Variants in SLC24A2 observed in about 807,000 individuals in gnomAD.
SLC24A2 encodes the protein sodium/potassium/calcium exchanger 2.
In SLC24A2, 36 loss-of-function variants were observed where a neutral mutation model predicts 62.0. The ratio of observed to expected loss-of-function variants is 0.58; its 90% CI spans 0.44 to 0.77. The LOEUF is 0.77. Among genes scored for constraint, SLC24A2 ranks in the 30% least tolerant of loss-of-function variants. The pLI, the probability that SLC24A2 is intolerant of heterozygous loss-of-function variation, is 0.00. For synonymous variants in SLC24A2, 358 were observed against 294.0 expected, an observed-to-expected ratio of 1.22 and a Z score of -2.23; for missense variants, 846 against 817.9, an observed-to-expected ratio of 1.03 and a Z score of -0.42.
the SLC24A2 span, among the ~76,000 whole-genome samples, chr9:19,892,652 G>A: frequency 1.5e-3 from 230 of 151,990 alleles, 1 homozygote; most frequent in East Asian, 0.018. Flanking sequence ...TGTCCAGTTC[G>A]TTTCTAATGT....
At chr9:19,615,547 A>G (rs1360392235) in intron 4 of SLC24A2, among the ~76,000 whole-genome samples, 2 of 152,340 alleles carry the variant, frequency 1.3e-5, no homozygotes, top group East Asian at 3.9e-4. Flanking sequence ...ATACCAGAGC[A>G]ATCTGTTTTC....
the SLC24A2 span, among the ~76,000 whole-genome samples, chr9:20,133,471 A>G: frequency 6.6e-6 from 1 of 152,188 alleles, no homozygotes; most frequent in African/African-American, 2.4e-5. Flanking sequence ...TTATAAAACT[A>G]TATTCTCACT....
chr9:20,149,403 A>C, the SLC24A2 span, among the ~76,000 whole-genome samples: 2 of 151,984 alleles, frequency 1.3e-5, no homozygotes, highest in African/African-American at 4.8e-5. Context: ...TTCCATAGGG[A>C]TGATTTTTTT....
At chr9:19,894,387 GA>G in the SLC24A2 span, among the ~76,000 whole-genome samples, 1 of 152,118 alleles carries the variant, frequency 6.6e-6, no homozygotes, top group Non-Finnish European at 1.5e-5. Context: ...CCAGCATTTT[GA>G]ATACGTTTAT....
the SLC24A2 span, among the ~76,000 whole-genome samples, chr9:19,816,557 T>A: frequency 6.6e-6 from 1 of 152,068 alleles, no homozygotes; most frequent in Non-Finnish European, 1.5e-5. Flanking sequence ...CACCCAAGAC[T>A]GGGTAATTTA....
At chr9:20,140,507 T>C in the SLC24A2 span, among the ~76,000 whole-genome samples, 1 of 152,140 alleles carries the variant, frequency 6.6e-6, no homozygotes, top group East Asian at 1.9e-4. Flanking sequence ...GCATAGACCA[T>C]TGTATTTACA....
At chr9:19,711,958 T>G (rs1280140425) in intron 2 of SLC24A2, among the ~76,000 whole-genome samples, 1 of 152,194 alleles carries the variant, frequency 6.6e-6, no homozygotes, top group Non-Finnish European at 1.5e-5. Context: ...CAAGGGCAGT[T>G]GGCTAGCCAA....
At chr9:19,907,216 T>A in the SLC24A2 span, among the ~76,000 whole-genome samples, 5 of 152,250 alleles carry the variant, frequency 3.3e-5, no homozygotes, top group African/African-American at 1.2e-4. Context: ...ACAGAACCAA[T>A]GACAAAAACC....
chr9:19,833,026 C>G, the SLC24A2 span, among the ~76,000 whole-genome samples: 2 of 152,100 alleles, frequency 1.3e-5, no homozygotes, highest in Non-Finnish European at 2.9e-5. Flanking sequence ...AAATGCAAAT[C>G]AAAACCACAA....
the SLC24A2 span, among the ~76,000 whole-genome samples, chr9:19,831,615 C>A: frequency 6.6e-6 from 1 of 152,046 alleles, no homozygotes; most frequent in African/African-American, 2.4e-5. Flanking sequence ...TTTATTTCCC[C>A]AACAGAATTT....
intron 4 of SLC24A2, among the ~76,000 whole-genome samples, chr9:19,618,337 G>C (rs1056903870): frequency 1.3e-5 from 2 of 152,110 alleles, no homozygotes; most frequent in Admixed American, 1.3e-4. Context: ...TGTAGATAGA[G>C]TAATGATATT....
the SLC24A2 span, among the ~76,000 whole-genome samples, chr9:20,194,443 C>T: frequency 6.6e-6 from 1 of 152,066 alleles, no homozygotes; most frequent in African/African-American, 2.4e-5. Flanking sequence ...GGCCACTCCT[C>T]ACCTTTCTCA....
chr9:19,969,831 A>G, the SLC24A2 span, among the ~76,000 whole-genome samples: 10 of 152,298 alleles, frequency 6.6e-5, no homozygotes, highest in East Asian at 5.8e-4. Context: ...ACAAAATCCA[A>G]TTGTTGAGAA....
the SLC24A2 span, among the ~76,000 whole-genome samples, chr9:20,098,303 A>T: frequency 6.6e-6 from 1 of 152,234 alleles, no homozygotes; most frequent in African/African-American, 2.4e-5. Context: ...CTCAAACAGG[A>T]ATCCATAATA....
chr9:20,216,030 C>G, the SLC24A2 span, among the ~76,000 whole-genome samples: 2 of 152,296 alleles, frequency 1.3e-5, no homozygotes, highest in South Asian at 4.1e-4. Context: ...TTACTTACAG[C>G]AGGGGAAACC....
At chr9:20,119,917 G>A in the SLC24A2 span, among the ~76,000 whole-genome samples, 1 of 152,158 alleles carries the variant, frequency 6.6e-6, no homozygotes, top group South Asian at 2.1e-4. Flanking sequence ...TAGAGGATCG[G>A]AACAACACAA....
intron 2 of SLC24A2, among the ~76,000 whole-genome samples, chr9:19,720,664 T>C (rs961800177): frequency 1.6e-4 from 24 of 149,722 alleles, no homozygotes; most frequent in Admixed American, 1.6e-3. Flanking sequence ...ACTGAACATA[T>C]TGTATATTAA....
chr9:20,056,744 C>G, the SLC24A2 span, among the ~76,000 whole-genome samples: 1 of 152,162 alleles, frequency 6.6e-6, no homozygotes, highest in Non-Finnish European at 1.5e-5. Flanking sequence ...AGCTTGATTG[C>G]ATGGCATCAA....
At chr9:20,184,259 CAA>C in the SLC24A2 span, among the ~76,000 whole-genome samples, 1 of 152,114 alleles carries the variant, frequency 6.6e-6, no homozygotes, top group Admixed American at 6.5e-5. Flanking sequence ...TCAAAAAAAG[CAA>C]AAGATAGGCT....
Sources: gnomAD v4.1 joint callset for allele counts (sites outside exome capture counted in the v4.1 genomes callset) on GRCh38, gnomAD v4.1.1 for gene constraint, MANE v1.5 for transcripts, NCBI Gene and HGNC (gene_info 2026-07-23, HGNC 2026-07-21) for gene names.